Variants in HCRTR2 observed in about 807,000 individuals in gnomAD.
HCRTR2 encodes the protein orexin receptor type 2.
A neutral mutation model predicts 49.0 loss-of-function variants in HCRTR2; 22 were observed. The ratio of observed to expected loss-of-function variants is 0.45; its 90% CI spans 0.32 to 0.64. HCRTR2 has a LOEUF of 0.64. Among genes scored for constraint, HCRTR2 ranks in the 30% least tolerant of loss-of-function variants. The pLI is 0.04. For synonymous variants in HCRTR2, 236 were observed against 205.3 expected (o/e 1.15, Z -1.28); for missense variants, 491 against 559.4 (o/e 0.88, Z 1.23).
chr6:55,273,837 T>G (rs894091342), intron 4 of HCRTR2, among the ~76,000 whole-genome samples: 4 of 152,174 alleles, frequency 2.6e-5, no homozygotes, highest in Admixed American at 2.6e-4. Context: ...GCCCAGGTAC[T>G]TTTTAAGTGA....
intron 3 of HCRTR2, among the ~76,000 whole-genome samples, chr6:55,257,253 C>A (rs1269207228): frequency 6.6e-6 from 1 of 151,910 alleles, no homozygotes; most frequent in Non-Finnish European, 1.5e-5. Context: ...ATTTAGAAAG[C>A]CTAAAAAGGT....
Position 55,280,323 on chromosome 6 carries a change from A to G in HCRTR2, c.984A>G (p.Arg328=). ...LPISILNVLK[R]VFGMFAHTED... ...TTTTCTGTTGTTTCTTTTCCTGCAG[A>G]GTATTTGGGATGTTTGCCCATACTG... is the stretch of plus-strand genomic sequence containing the variant. The change falls in exon 6 of 7, where the codon AGA becomes AGG. Residue 328 remains arginine (R), a splice_region_variant and synonymous_variant. Coordinates refer to ENST00000370862, the MANE Select transcript of HCRTR2 (RefSeq NM_001384272.1). 2 of 1,582,014 alleles carry G rather than the reference A, an allele frequency of 1.3e-6. No homozygotes were observed. The highest frequency in any genetic ancestry group is 3.3e-5 in the Admixed American group (2 of 59,734).
At chr6:55,275,210 T>C (rs1371546580) in intron 4 of HCRTR2, among the ~76,000 whole-genome samples, 1 of 152,200 alleles carries the variant, frequency 6.6e-6, no homozygotes, top group Non-Finnish European at 1.5e-5. Context: ...GTAATACATT[T>C]TTCAGGGTGT....
chr6:55,248,441 T>C (rs1766486255), intron 1 of HCRTR2, among the ~76,000 whole-genome samples, 198 bp from the exon 2 acceptor site: 1 of 152,152 alleles, frequency 6.6e-6, no homozygotes, highest in African/African-American at 2.4e-5. Flanking sequence ...AGAAATGTCA[T>C]GCAAGGTAAA....
intron 1 of HCRTR2, among the ~76,000 whole-genome samples, chr6:55,233,040 T>C (rs1766143768): frequency 6.6e-6 from 1 of 152,110 alleles, no homozygotes; most frequent in African/African-American, 2.4e-5. Context: ...GTGAGGTACA[T>C]TTTAAAGGAA....
chr6:55,214,781 T>C (rs1465181304), intron 1 of HCRTR2, among the ~76,000 whole-genome samples: 1 of 151,612 alleles, frequency 6.6e-6, no homozygotes, highest in East Asian at 1.9e-4. Context: ...AAATTTGCAG[T>C]GGAAGAATAT....
intron 1 of HCRTR2, among the ~76,000 whole-genome samples, chr6:55,226,876 G>T (rs376735861): frequency 6.6e-6 from 1 of 151,688 alleles, no homozygotes; most frequent in Admixed American, 6.6e-5. Flanking sequence ...CCGCCACCAC[G>T]CCCGGCTAAT....
intron 1 of HCRTR2, among the ~76,000 whole-genome samples, chr6:55,169,491 C>A (rs907818989): frequency 1.3e-5 from 2 of 151,532 alleles, no homozygotes; most frequent in African/African-American, 4.9e-5. Flanking sequence ...AGAGTGCGTA[C>A]AGTGACACAT....
At position 55,174,702 on chromosome 6, in the gene HCRTR2, T is replaced by A; in HGVS notation, c.115T>A (p.Phe39Ile). Reference protein sequence around the residue: ...LNPTDYDDEEFLRYLWREYLH... With the variant: ...LNPTDYDDEEILRYLWREYLH... ...CCCCACCGACTATGACGACGAGGAA[T>A]TCCTGCGGTACCTGTGGAGGGAATA... The change falls in exon 1 of 7, where the codon TTC (phenylalanine) becomes ATC (isoleucine). Residue 39 changes from phenylalanine to isoleucine, a missense_variant. Transcript: ENST00000370862. 1 of 1,614,106 alleles carries A rather than the reference T, an allele frequency of 6.2e-7. No individual in the cohort carries two copies. Among genetic ancestry groups the A allele is most frequent in the Non-Finnish European group, 8.5e-7 (1 of 1,180,020 alleles).
chr6:55,111,310 T>C (rs983964419), intron 1 of HCRTR2, among the ~76,000 whole-genome samples: 2 of 151,234 alleles, frequency 1.3e-5, no homozygotes, highest in African/African-American at 4.9e-5. Flanking sequence ...AGAAAAGAAA[T>C]AACAAAGATC....
chr6:55,254,094 G>T (rs1390279461), intron 2 of HCRTR2, among the ~76,000 whole-genome samples: 5 of 152,046 alleles, frequency 3.3e-5, no homozygotes, highest in Non-Finnish European at 7.4e-5. Context: ...TCAGATATTG[G>T]GGACACAGTT....
At chr6:55,213,468 G>C (rs192118958) in intron 1 of HCRTR2, among the ~76,000 whole-genome samples, 1 of 152,058 alleles carries the variant, frequency 6.6e-6, no homozygotes, top group Non-Finnish European at 1.5e-5. Flanking sequence ...ACCTCCTTCC[G>C]TCCATGGAAC....
At chr6:55,208,452 A>G (rs555668074) in intron 1 of HCRTR2, among the ~76,000 whole-genome samples, 35 of 152,060 alleles carry the variant, frequency 2.3e-4, no homozygotes, top group Non-Finnish European at 7.4e-5. Flanking sequence ...AGATTACACC[A>G]TTGCACTCCA....
At chr6:55,119,847 T>C (rs189802082) in intron 1 of HCRTR2, among the ~76,000 whole-genome samples, 94 of 152,206 alleles carry the variant, frequency 6.2e-4, no homozygotes, top group Non-Finnish European at 4.9e-4. Context: ...TCTTTTCCCA[T>C]GCCTATGTCC....
intron 1 of HCRTR2, among the ~76,000 whole-genome samples, chr6:55,210,670 A>G (rs370724058): frequency 1.3e-5 from 2 of 152,176 alleles, no homozygotes; most frequent in African/African-American, 4.8e-5. Context: ...TTTCCTGATC[A>G]CTGTCCCTTC....
At chr6:55,253,530 C>T (rs550836985) in intron 2 of HCRTR2, among the ~76,000 whole-genome samples, 2 of 152,160 alleles carry the variant, frequency 1.3e-5, no homozygotes, top group South Asian at 4.1e-4. Context: ...TTAAGGCTCA[C>T]CACTATTAAT....
At chr6:55,142,541 T>C (rs1184080480) in intron 1 of HCRTR2, among the ~76,000 whole-genome samples, 1 of 152,112 alleles carries the variant, frequency 6.6e-6, no homozygotes, top group Non-Finnish European at 1.5e-5. Context: ...TATTTTTATA[T>C]TTAATGCACA....
At chr6:55,220,223 G>C (rs564319164) in intron 1 of HCRTR2, among the ~76,000 whole-genome samples, 1 of 152,214 alleles carries the variant, frequency 6.6e-6, no homozygotes, top group Non-Finnish European at 1.5e-5. Flanking sequence ...ATACCAAAAT[G>C]AGATAAAGAT....
intron 1 of HCRTR2, among the ~76,000 whole-genome samples, chr6:55,214,002 T>G (rs891893843): frequency 6.6e-6 from 1 of 152,034 alleles, no homozygotes; most frequent in Admixed American, 6.6e-5. Context: ...AATGAGTTTT[T>G]ACCACACCAA....
Sources: gnomAD v4.1 joint callset for allele counts (sites outside exome capture counted in the v4.1 genomes callset) on GRCh38, gnomAD v4.1.1 for gene constraint, MANE v1.5 for transcripts, NCBI Gene and HGNC (gene_info 2026-07-23, HGNC 2026-07-21) for gene names.